The following CCNT2 variants were observed in gnomAD, a reference collection of about 807,000 sequenced individuals.
CCNT2 encodes cyclin-T2.
Under a neutral mutation model 70.0 loss-of-function variants are expected in CCNT2, and 18 were observed. The ratio of observed to expected loss-of-function variants is 0.26; its 90% CI spans 0.18 to 0.38. The LOEUF (loss-of-function observed/expected upper bound fraction) is 0.38. Among genes scored for constraint, CCNT2 ranks in the 10% least tolerant of loss-of-function variants. The pLI, the probability that CCNT2 is intolerant of heterozygous loss-of-function variation, is 1.00. For synonymous variants in CCNT2, 334 were observed against 313.3 expected, an observed-to-expected ratio of 1.07 and a Z score of -0.70; for missense variants, 734 against 890.2, an observed-to-expected ratio of 0.82 and a Z score of 2.23.
intron 5 of CCNT2, chr2:134,943,064 G>A: frequency 1.0e-6 from 1 of 985,340 alleles, no homozygotes; most frequent in Admixed American, 6.1e-5. Flanking sequence ...AACAGTTGAA[G>A]AATTTTGAGG....
intron 2 of CCNT2, among the ~76,000 whole-genome samples, chr2:134,926,665 C>T (rs569276180): frequency 6.6e-6 from 1 of 152,308 alleles, no homozygotes; most frequent in African/African-American, 2.4e-5. Context: ...CTTCTTATAT[C>T]AAGTCCAGCA....
chr2:134,923,412 A>G (rs1206682246), intron 2 of CCNT2, among the ~76,000 whole-genome samples: 2 of 152,226 alleles, frequency 1.3e-5, no homozygotes, highest in Non-Finnish European at 1.5e-5. Flanking sequence ...AAGTCTAAGC[A>G]GGTGTTTATA....
Position 134,936,262 on chromosome 2 carries a change from T to C in CCNT2, c.241-579T>C, listed in dbSNP as rs558679542. On this transcript the variant is annotated intron_variant, in intron 2 of 8. Coordinates refer to ENST00000264157, the MANE Select transcript of CCNT2 (RefSeq NM_058241.3). Reference sequence around the variant, plus strand: ...CTTTCTCTTTAGCATTTTTAGTATGTTCAGTCAACTTACTTAGTATGTCTT... The same window carrying C: ...CTTTCTCTTTAGCATTTTTAGTATGCTCAGTCAACTTACTTAGTATGTCTT... 5.3e-5 allele frequency among the ~76,000 whole-genome samples: 8 copies of C among 152,238 alleles called. No homozygotes were observed. The East Asian group carries it at 9.6e-4, about 18-fold the overall frequency.
intron 3 of CCNT2, 99 bp from the exon 4 acceptor site, chr2:134,938,903 T>G (rs919029636): frequency 2.8e-6 from 2 of 724,156 alleles, no homozygotes; most frequent in African/African-American, 3.6e-5. Flanking sequence ...ACTGTGGTTC[T>G]TTTGTAATCA....
Position 134,954,436 on chromosome 2 carries a change from G to A in CCNT2, c.1981G>A (p.Val661Ile). 6.2e-7 allele frequency: 1 copy of A among 1,614,098 alleles called. No individual in the cohort carries two copies. Reference sequence around the variant, plus strand: ...GCAGTATATATCCTCTCACAACTCTGTTTTTAACCATCCCTTACCCCCTCC... The same window carrying A: ...GCAGTATATATCCTCTCACAACTCTATTTTTAACCATCCCTTACCCCCTCC... ...VKQYISSHNS[V>I]FNHPLPPPPP... Residue 661 changes from valine to isoleucine, a missense_variant, in exon 9 of 9, where the codon GTT becomes ATT. This residue lies in a region of CCNT2 where 532 missense variants were observed against 556.9 expected (regional missense o/e 0.96). Transcript: ENST00000264157.
At chr2:134,935,301 T>C (rs1681066572) in intron 2 of CCNT2, among the ~76,000 whole-genome samples, 1 of 152,264 alleles carries the variant, frequency 6.6e-6, no homozygotes, top group Admixed American at 6.5e-5. Flanking sequence ...AACTCTATTT[T>C]ACATCTGTTA....
chr2:134,949,850 C>T (rs1335351057), intron 7 of CCNT2, among the ~76,000 whole-genome samples: 2 of 149,646 alleles, frequency 1.3e-5, no homozygotes, highest in East Asian at 2.0e-4. Context: ...CTATAGAGTG[C>T]GGTGGCGCAA....
At chr2:134,929,646 T>C (rs1328421367) in intron 2 of CCNT2, among the ~76,000 whole-genome samples, 1 of 49,666 alleles carries the variant, frequency 2.0e-5, no homozygotes, top group Non-Finnish European at 3.3e-5. Context: ...AACTAATAAA[T>C]AGATGCCTTT....
rs1170595390 is a variant in CCNT2, at chr2:134,954,247, G to C, written c.1792G>C (p.Val598Leu). ...CAGTGCCGACGGAATACCACCCACTGTTCTGAGGAGTCCTGTTGGCCTGAG... is the reference window on the plus strand; with the variant it reads ...CAGTGCCGACGGAATACCACCCACTCTTCTGAGGAGTCCTGTTGGCCTGAG... ...KHSADGIPPT[V>L]LRSPVGLSSD... The change falls in exon 9 of 9, where the codon GTT (valine) becomes CTT (leucine). Residue 598 changes from valine (V) to leucine (L), a missense_variant. Val to Leu is a conservative substitution (Grantham distance 32, BLOSUM62 1). Around this residue, in one of 3 missense-constraint regions of CCNT2, gnomAD observed 532 missense variants for 556.9 expected, o/e 0.96. Transcript: ENST00000264157. The C allele has an allele frequency of 1.2e-6, 2 of 1,614,196 alleles. No homozygotes were observed. Among genetic ancestry groups the C allele is most frequent in the Admixed American group, 3.3e-5 (2 of 60,024 alleles).
intron 2 of CCNT2, among the ~76,000 whole-genome samples, chr2:134,933,811 T>C (rs1404897013): frequency 6.6e-6 from 1 of 152,198 alleles, no homozygotes; most frequent in Non-Finnish European, 1.5e-5. Flanking sequence ...ATTTGAGTCA[T>C]ATTACTAGGG....
In CCNT2 at chr2:134,952,689, T is replaced by A. The variant is rs1427496047; in HGVS notation, c.752T>A (p.Leu251Ter). 6.2e-7 allele frequency: 1 copy of A among 1,607,500 alleles called. No homozygotes were observed. Among genetic ancestry groups the A allele is most frequent in the Non-Finnish European group, 8.5e-7 (1 of 1,176,430 alleles). Residue 251 changes from leucine (L) to a stop codon, truncating the protein, a stop_gained, in exon 8 of 9, where the codon TTG becomes TAG. Transcript: ENST00000264157. LOFTEE classifies it high-confidence loss of function. ...LQILEKTPNR[L>*]KKIRNWRANQ... ...ATATTGGAGAAAACGCCTAATAGGT[T>A]GAAGAAGATTCGAAACTGGAGGGTA... is the stretch of plus-strand genomic sequence containing the variant.
At chr2:134,952,613 A>G (rs774860077) in intron 7 of CCNT2, 28 bp from the exon 8 acceptor site, 3 of 1,412,958 alleles carry the variant, frequency 2.1e-6, no homozygotes, top group South Asian at 2.5e-5. Flanking sequence ...GGCACCTTCT[A>G]AGTTTCAAAT....
intron 7 of CCNT2, among the ~76,000 whole-genome samples, chr2:134,950,549 A>C (rs375295145): frequency 6.6e-6 from 1 of 152,166 alleles, no homozygotes; most frequent in East Asian, 1.9e-4. Flanking sequence ...AGGTGGGAGG[A>C]TCACCTGAGC....
rs112471982 is a variant in CCNT2, at chr2:134,931,262, C to CTTTTTTTTTT, written c.241-5563_241-5554dup. Reference sequence around the variant, plus strand: ...CAGGCATAAGCCACCATGCCCGGATCTTTTTTTTTTTTTTTTTTTTTTTTT... The same window carrying CTTTTTTTTTT: ...CAGGCATAAGCCACCATGCCCGGATCTTTTTTTTTTTTTTTTTTTTTTTTTTTTTTTTTTT... On this transcript the variant is annotated intron_variant, in intron 2 of 8. Transcript: ENST00000264157. 7.1e-4 allele frequency among the ~76,000 whole-genome samples: 30 copies of CTTTTTTTTTT among 42,424 alleles called. 3 individuals are homozygous for CTTTTTTTTTT. The highest frequency in any genetic ancestry group is 3.8e-3 in the East Asian group (2 of 532). The allele number at this position is 42,424 out of a possible 152,430, so 27.8% of individuals were successfully genotyped here. A position where few individuals can be genotyped will look rare whatever the true frequency, so the allele number is the denominator to read the frequency against.
At chr2:134,940,285 TAATATTGG>T (rs1223747145) in intron 4 of CCNT2, among the ~76,000 whole-genome samples, 10 of 152,098 alleles carry the variant, frequency 6.6e-5, no homozygotes, top group Non-Finnish European at 1.5e-4. Context: ...TTTCAATAAA[TAATATTGG>T]AAAATTGGGA....
intron 3 of CCNT2, among the ~76,000 whole-genome samples, chr2:134,938,435 A>G (rs1379998898): frequency 1.3e-5 from 2 of 152,202 alleles, no homozygotes; most frequent in Non-Finnish European, 2.9e-5. Flanking sequence ...ATAGAGGGAT[A>G]ATTTCTTGAA....
intron 2 of CCNT2, among the ~76,000 whole-genome samples, chr2:134,927,278 T>C (rs1338936561): frequency 6.6e-6 from 1 of 152,240 alleles, no homozygotes; most frequent in African/African-American, 2.4e-5. Flanking sequence ...ATAGAAGTCT[T>C]ATGAAGTATT....
At chr2:134,931,527 T>G (rs1340657154) in intron 2 of CCNT2, among the ~76,000 whole-genome samples, 1 of 152,082 alleles carries the variant, frequency 6.6e-6, no homozygotes, top group Non-Finnish European at 1.5e-5. Context: ...TCAAGATTGT[T>G]TTGGCTATTC....
At chr2:134,937,019 TC>T (rs566669507) in intron 3 of CCNT2, 50 bp downstream of exon 3, 350 of 1,426,936 alleles carry the variant, frequency 2.5e-4, no homozygotes, top group Non-Finnish European at 2.7e-4. Flanking sequence ...TGAAACTTTT[TC>T]ATAATGTAGG....
Sources: allele counts gnomAD v4.1 joint callset (sites outside exome capture counted in the v4.1 genomes callset), GRCh38; gene constraint gnomAD v4.1.1; regional missense constraint gnomAD v4.1.1; transcripts MANE v1.5; gene names NCBI Gene and HGNC (gene_info 2026-07-23, HGNC 2026-07-21).